The following COL28A1 variants were observed in gnomAD, a reference collection of about 807,000 sequenced individuals.
COL28A1 encodes collagen alpha-1(XXVIII) chain.
A neutral mutation model predicts 150.2 loss-of-function variants in COL28A1; 161 were observed. The observed-to-expected ratio is 1.07, with a 90% CI of 0.94 to 1.22. The LOEUF (loss-of-function observed/expected upper bound fraction) is 1.22. Ranked by LOEUF, COL28A1 falls within the 50% of genes most tolerant of loss-of-function variation. The probability of loss-of-function intolerance (pLI) is 0.00; values close to 1 mark genes in which losing one functional copy is unlikely to be tolerated. For missense variants in COL28A1, 1,617 were observed against 1,388.3 expected (o/e 1.16, Z -2.62); for synonymous variants, 552 against 469.7 (o/e 1.18, Z -2.26).
chr7:7,370,483 A>G (rs1257338366), intron 33 of COL28A1, among the ~76,000 whole-genome samples: 2 of 152,176 alleles, frequency 1.3e-5, no homozygotes, highest in African/African-American at 4.8e-5. Flanking sequence ...TAATATAAAA[A>G]TATTATCAGC....
intron 3 of COL28A1, among the ~76,000 whole-genome samples, chr7:7,530,378 G>T (rs1191947322): frequency 6.6e-6 from 1 of 152,170 alleles, no homozygotes; most frequent in Non-Finnish European, 1.5e-5. Flanking sequence ...GTAATGTTGA[G>T]AAAAAGATCG....
intron 28 of COL28A1, among the ~76,000 whole-genome samples, chr7:7,381,231 CTT>C (rs1402014987): frequency 6.6e-6 from 1 of 152,050 alleles, no homozygotes; most frequent in Non-Finnish European, 1.5e-5. Flanking sequence ...TATTAGTTAT[CTT>C]CTGAGAATAA....
intron 27 of COL28A1, among the ~76,000 whole-genome samples, chr7:7,382,285 G>A (rs974764800): frequency 2.0e-5 from 3 of 151,844 alleles, no homozygotes; most frequent in Non-Finnish European, 2.9e-5. Flanking sequence ...ACTCCAGCCT[G>A]GGCAACAAGA....
In COL28A1 at chr7:7,425,739, T is replaced by C. The variant is rs376995904; in HGVS notation, c.1999-5786A>G. 1.1e-4 allele frequency among the ~76,000 whole-genome samples: 17 copies of C among 152,308 alleles called. No homozygotes were observed. In the East Asian group the frequency reaches 2.1e-3, roughly 19 times the overall value. On this transcript the variant is annotated intron_variant, in intron 25 of 34. Transcript: ENST00000399429. ...CATACATTAGTCTATTAATTTATCA[T>C]AATAAACCTGTGAAGTAGGCATTAT...
intron 13 of COL28A1, among the ~76,000 whole-genome samples, chr7:7,485,627 G>A (rs953161469): frequency 6.6e-6 from 1 of 152,086 alleles, no homozygotes; most frequent in Non-Finnish European, 1.5e-5. Flanking sequence ...TCCATTTTGA[G>A]TTACTTTTTG....
intron 13 of COL28A1, among the ~76,000 whole-genome samples, chr7:7,477,645 G>T (rs546752955): frequency 6.6e-6 from 1 of 152,292 alleles, no homozygotes; most frequent in South Asian, 2.1e-4. Flanking sequence ...GGTCTCGCTG[G>T]CTTCAGGAGT....
At chr7:7,463,200 G>A (rs573477146) in intron 15 of COL28A1, among the ~76,000 whole-genome samples, 13 of 152,110 alleles carry the variant, frequency 8.5e-5, no homozygotes, top group East Asian at 5.8e-4. Flanking sequence ...GAGATTCATC[G>A]CAAAAAAGAT....
intron 27 of COL28A1, among the ~76,000 whole-genome samples, chr7:7,416,263 T>C (rs1222301816): frequency 1.3e-5 from 2 of 152,160 alleles, no homozygotes. Context: ...CAGGACCTGG[T>C]TTCACCCAGG....
At chr7:7,399,848 A>G (rs2128298199) in intron 27 of COL28A1, among the ~76,000 whole-genome samples, 1 of 152,312 alleles carries the variant, frequency 6.6e-6, no homozygotes, top group East Asian at 1.9e-4. Flanking sequence ...GAAAAATACT[A>G]CACTTCATTT....
intron 25 of COL28A1, among the ~76,000 whole-genome samples, chr7:7,426,585 C>A: frequency 6.6e-6 from 1 of 152,134 alleles, no homozygotes; most frequent in East Asian, 1.9e-4. Flanking sequence ...TATACAAATG[C>A]TAGAAAACAA....
At chr7:7,530,929 T>C (rs1200159030) in intron 3 of COL28A1, among the ~76,000 whole-genome samples, 1 of 152,102 alleles carries the variant, frequency 6.6e-6, no homozygotes, top group Non-Finnish European at 1.5e-5. Flanking sequence ...TATGTCAAGA[T>C]TATGTCAAAA....
In COL28A1 at chr7:7,477,146, C is replaced by T. The variant is rs370254789; in HGVS notation, c.1199G>A (p.Arg400Lys). 5 of 1,354,972 alleles carry T rather than the reference C, an allele frequency of 3.7e-6. No homozygotes were observed. Among genetic ancestry groups the T allele is most frequent in the South Asian group, 1.2e-5 (1 of 85,892 alleles). The allele number at this position is 1,354,972 out of a possible 1,614,324, so 83.9% of individuals were successfully genotyped here. A position where few individuals can be genotyped will look rare whatever the true frequency, so the allele number is the denominator to read the frequency against. ...PRGPEGVPGE[R>K]GLPGEGFPGP... ...TGGAAATCCTTCTCCGGGTAAGCCC[C>T]TCTCTCCTGGTACTCCCTCAGGACC... Residue 400 changes from arginine (R) to lysine (K), a missense_variant, in exon 14 of 35, where the codon AGG becomes AAG. By Grantham distance (26) the Arg-to-Lys change is conservative. Coordinates refer to ENST00000399429, the MANE Select transcript of COL28A1 (RefSeq NM_001037763.3).
chr7:7,376,163 C>T (rs1446386278), intron 30 of COL28A1, among the ~76,000 whole-genome samples: 1 of 152,090 alleles, frequency 6.6e-6, no homozygotes, highest in Non-Finnish European at 1.5e-5. Flanking sequence ...CTTCCCTGTG[C>T]AGTGTGTTTA....
At chr7:7,383,581 T>C (rs1359837740) in intron 27 of COL28A1, among the ~76,000 whole-genome samples, 1 of 151,514 alleles carries the variant, frequency 6.6e-6, no homozygotes, top group East Asian at 1.9e-4. Flanking sequence ...ACCTGGCTGA[T>C]ATTTTTAATA....
At chr7:7,537,162 G>A (rs1399452541), upstream of COL28A1, among the ~76,000 whole-genome samples, 11 of 152,150 alleles carry the variant, frequency 7.2e-5, no homozygotes, top group Admixed American at 4.6e-4. Flanking sequence ...TCAGGGTCAC[G>A]GTTGACCAGA....
intron 18 of COL28A1, among the ~76,000 whole-genome samples, chr7:7,448,373 A>G (rs1373773606): frequency 6.6e-6 from 1 of 152,174 alleles, no homozygotes; most frequent in African/African-American, 2.4e-5. Context: ...AAACAATGCA[A>G]GTGAGAAGAC....
At chr7:7,430,631 A>T (rs1784908485) in intron 25 of COL28A1, among the ~76,000 whole-genome samples, 1 of 152,190 alleles carries the variant, frequency 6.6e-6, no homozygotes, top group Non-Finnish European at 1.5e-5. Flanking sequence ...AACATATTTT[A>T]TTTCATGTTT....
chr7:7,454,688 G>T (rs1437400227), intron 16 of COL28A1, among the ~76,000 whole-genome samples: 1 of 152,082 alleles, frequency 6.6e-6, no homozygotes, highest in Non-Finnish European at 1.5e-5. Flanking sequence ...CTCATATTTA[G>T]CCCCATAGTG....
At chr7:7,491,522 A>G (rs1779913442) in intron 11 of COL28A1, among the ~76,000 whole-genome samples, 1 of 152,252 alleles carries the variant, frequency 6.6e-6, no homozygotes, top group Admixed American at 6.5e-5. Flanking sequence ...AGTTCTCATG[A>G]TTTAAGCCAC....
Sources: allele counts gnomAD v4.1 joint callset (sites outside exome capture counted in the v4.1 genomes callset), GRCh38; gene constraint gnomAD v4.1.1; transcripts MANE v1.5; gene names NCBI Gene and HGNC (gene_info 2026-07-23, HGNC 2026-07-21).